Variants in FAM200A observed in about 807,000 individuals in gnomAD.
FAM200A encodes the protein protein FAM200A.
In FAM200A, 26 loss-of-function variants were observed where a neutral mutation model predicts 44.2. That is an observed-to-expected ratio of 0.59 (90% CI 0.43 to 0.82). The LOEUF (loss-of-function observed/expected upper bound fraction) is 0.82, where lower values mean the gene tolerates loss of function less well. FAM200A is among the 40% of genes least tolerant of loss of function. The probability of loss-of-function intolerance (pLI) is 0.00; values close to 1 mark genes in which losing one functional copy is unlikely to be tolerated. For missense variants in FAM200A, 606 were observed against 669.5 expected (o/e 0.91, Z 1.05); for synonymous variants, 206 against 244.4 (o/e 0.84, Z 1.47).
At chr7:99,550,955 T>C (rs1379291268) in intron 1 of FAM200A, among the ~76,000 whole-genome samples, 1 of 151,900 alleles carries the variant, frequency 6.6e-6, no homozygotes, top group Non-Finnish European at 1.5e-5. Flanking sequence ...CAGGCGCCTG[T>C]AATTCCAGCT....
At position 99,548,046 on chromosome 7, in the gene FAM200A, G is replaced by C; in HGVS notation, c.362C>G (p.Thr121Arg). ...CATTGCTTCCAAATGTTTTGCAATC[G>C]TACAGATTCGACGAGATATTGTATT... ...SDNTISRRIC[T>R]IAKHLEAMLI... The change falls in exon 2 of 2, where the codon ACG becomes AGG. Residue 121 changes from threonine to arginine, a missense_variant. Thr to Arg is a moderately conservative substitution (Grantham distance 71). Transcript: ENST00000449309. 3 of 1,551,458 alleles carry C rather than the reference G, an allele frequency of 1.9e-6. No homozygotes were observed. Among genetic ancestry groups the C allele is most frequent in the Non-Finnish European group, 2.6e-6 (3 of 1,146,950 alleles).
At position 99,546,620 on chromosome 7, in the gene FAM200A, CACTGCT is replaced by C. The variant is rs1802390796; in HGVS notation, c.*60_*65del. On this transcript the variant is annotated 3_prime_UTR_variant, in exon 2 of 2. Transcript: ENST00000449309. ...AAGTGATCTGCCCACCTCGGTCTCC[CACTGCT>C]GGGATTACAGGCGTAAGCCACCACA... The C allele has an allele frequency of 5.6e-6, 8 of 1,429,400 alleles. No individual in the cohort carries two copies. In the East Asian group the frequency reaches 2.1e-4, roughly 38 times the overall value. 88.5% of individuals were successfully genotyped at this position (1,429,400 alleles called of 1,614,324 possible).
upstream of FAM200A, among the ~76,000 whole-genome samples, chr7:99,554,497 A>AG (rs1309066283): frequency 6.6e-6 from 1 of 151,524 alleles, no homozygotes; most frequent in Non-Finnish European, 1.5e-5. Flanking sequence ...AAAAAAAAAA[A>AG]AAAGAAAAAT....
chr7:99,555,279 C>T (rs910317299), upstream of FAM200A, among the ~76,000 whole-genome samples: 5 of 152,104 alleles, frequency 3.3e-5, no homozygotes, highest in East Asian at 1.9e-4. Context: ...ATGCTTCTTA[C>T]GATGCCAAGG....
At chr7:99,551,738 G>T in intron 1 of FAM200A, 116 bp downstream of exon 1, 1 of 835,790 alleles carries the variant, frequency 1.2e-6, no homozygotes, top group Non-Finnish European at 1.4e-6. Flanking sequence ...CATTTTGTCC[G>T]CGCGTCTTTG....
At chr7:99,549,599 T>G (rs1042643811) in intron 1 of FAM200A, among the ~76,000 whole-genome samples, 3 of 152,166 alleles carry the variant, frequency 2.0e-5, no homozygotes, top group Non-Finnish European at 2.9e-5. Flanking sequence ...CACATGCACA[T>G]GTATGTTTAT....
intron 1 of FAM200A, 101 bp from the exon 2 acceptor site, chr7:99,548,607 T>C: frequency 3.0e-6 from 3 of 988,922 alleles, no homozygotes; most frequent in Non-Finnish European, 4.3e-6. Flanking sequence ...TGGTGTGACA[T>C]GGTAAATGAT....
At chr7:99,551,292 C>A (rs1280313762) in intron 1 of FAM200A, among the ~76,000 whole-genome samples, 3 of 151,930 alleles carry the variant, frequency 2.0e-5, no homozygotes, top group South Asian at 4.2e-4. Flanking sequence ...CTCCGCCTCC[C>A]GGGTTCAAGC....
At chr7:99,549,340 A>G (rs1042692868) in intron 1 of FAM200A, among the ~76,000 whole-genome samples, 4 of 152,012 alleles carry the variant, frequency 2.6e-5, no homozygotes, top group African/African-American at 9.7e-5. Flanking sequence ...GTACACTGCA[A>G]TATTTCACCA....
upstream of FAM200A, among the ~76,000 whole-genome samples, chr7:99,553,530 T>A (rs1242579527): frequency 6.6e-6 from 1 of 152,122 alleles, no homozygotes; most frequent in African/African-American, 2.4e-5. Flanking sequence ...TTCAGTTCAG[T>A]GGCACGATTT....
chr7:99,558,470 G>A (rs1354557091), exon 1 of FAM200A: 2 of 152,388 alleles, frequency 1.3e-5, no homozygotes, highest in Non-Finnish European at 2.9e-5. Context: ...ACGTGGAAAA[G>A]CTGCGAAAAC....
chr7:99,552,539 C>G (rs775004420), upstream of FAM200A, among the ~76,000 whole-genome samples: 5 of 152,126 alleles, frequency 3.3e-5, no homozygotes, highest in Non-Finnish European at 5.9e-5. Context: ...CTATAGGCAA[C>G]AGACGTTCTT....
chr7:99,552,531 A>G (rs554481098), upstream of FAM200A, among the ~76,000 whole-genome samples: 1 of 152,302 alleles, frequency 6.6e-6, no homozygotes, highest in East Asian at 1.9e-4. Context: ...TACTTGATCT[A>G]TAGGCAACAG....
upstream of FAM200A, among the ~76,000 whole-genome samples, chr7:99,554,002 A>G (rs1802626926): frequency 6.6e-6 from 1 of 152,194 alleles, no homozygotes; most frequent in Non-Finnish European, 1.5e-5. Flanking sequence ...GTAGTTGGGG[A>G]AGACAAGCTC....
chr7:99,550,170 G>A (rs1802495785), intron 1 of FAM200A, among the ~76,000 whole-genome samples: 1 of 151,916 alleles, frequency 6.6e-6, no homozygotes, highest in Non-Finnish European at 1.5e-5. Flanking sequence ...GACTGCAGTG[G>A]CACGATCTCA....
intron 1 of FAM200A, 140 bp from the exon 2 acceptor site, chr7:99,548,646 G>T: frequency 2.8e-6 from 2 of 720,848 alleles, no homozygotes; most frequent in Non-Finnish European, 4.3e-6. Context: ...TTGGCTGTGT[G>T]TCAGGGAGAT....
At chr7:99,558,424 G>C (rs975173632) in exon 1 of FAM200A, 7 of 152,214 alleles carry the variant, frequency 4.6e-5, no homozygotes, top group Admixed American at 3.9e-4. Flanking sequence ...GAGACGCCCA[G>C]TGAGTTAGCA....
chr7:99,553,068 C>CATATATAT (rs745655559), upstream of FAM200A, among the ~76,000 whole-genome samples: 22 of 89,364 alleles, frequency 2.5e-4, no homozygotes, highest in East Asian at 3.0e-3. Flanking sequence ...TATATACACA[C>CATATATAT]ACATATATAT....
In FAM200A at chr7:99,547,578, T is replaced by C. The variant is rs755613866; in HGVS notation, c.830A>G (p.Asn277Ser). The C allele has an allele frequency of 3.2e-6, 5 of 1,551,490 alleles. No individual in the cohort carries two copies. The highest frequency in any genetic ancestry group is 3.5e-6 in the Non-Finnish European group (4 of 1,146,944). ...ACAAAATATTTCGAGAAGTCGGCTA[T>C]TCAGTGAGCTTCCTTTAATAAAATT... ...TVNFIKGSSL[N>S]SRLLEIFCSE... Residue 277 changes from asparagine (N) to serine (S), a missense_variant, in exon 2 of 2, where the codon AAT becomes AGT. By Grantham distance (46) the Asn-to-Ser change is conservative. Coordinates refer to ENST00000449309, the MANE Select transcript of FAM200A (RefSeq NM_145111.4).
Sources: allele counts gnomAD v4.1 joint callset (sites outside exome capture counted in the v4.1 genomes callset), GRCh38; gene constraint gnomAD v4.1.1; transcripts MANE v1.5; gene names NCBI Gene and HGNC (gene_info 2026-07-23, HGNC 2026-07-21).